The following PKHD1 variants were observed in gnomAD, a reference collection of about 807,000 sequenced individuals.
PKHD1 encodes the protein PKHD1 ciliary IPT domain containing fibrocystin/polyductin.
Under a neutral mutation model 412.0 loss-of-function variants are expected in PKHD1, and 291 were observed. The ratio of observed to expected loss-of-function variants is 0.71; its 90% confidence interval spans 0.64 to 0.78. PKHD1 has a LOEUF of 0.78. PKHD1 is among the 30% of genes least tolerant of loss of function. PKHD1 has a pLI of 0.00. For synonymous variants in PKHD1, 1,777 were observed against 1,821.5 expected, an observed-to-expected ratio of 0.98 and a Z score of 0.62; for missense variants, 4,825 against 4,950.7, an observed-to-expected ratio of 0.97 and a Z score of 0.76.
chr6:51,958,799 C>T (rs1791550247), intron 36 of PKHD1, among the ~76,000 whole-genome samples: 1 of 146,464 alleles, frequency 6.8e-6, no homozygotes, highest in Non-Finnish European at 1.5e-5. Context: ...TAGTGGCATT[C>T]CCATAGCCAC....
At chr6:51,647,681 G>C (rs1362300242) in intron 63 of PKHD1, among the ~76,000 whole-genome samples, 2 of 152,076 alleles carry the variant, frequency 1.3e-5, no homozygotes, top group African/African-American at 2.4e-5. Context: ...ACCAAACAAG[G>C]GTGTGTCGTG....
intron 52 of PKHD1, among the ~76,000 whole-genome samples, chr6:51,813,037 G>C (rs1201078169): frequency 2.0e-5 from 3 of 152,090 alleles, no homozygotes; most frequent in East Asian, 3.9e-4. Flanking sequence ...GCAAACCAAT[G>C]TATACCTGAC....
At chr6:51,982,417 G>A (rs1365714109) in intron 35 of PKHD1, among the ~76,000 whole-genome samples, 26 of 137,040 alleles carry the variant, frequency 1.9e-4, no homozygotes, top group African/African-American at 6.5e-4. Flanking sequence ...TGCCGGGTTT[G>A]TGTGGATAGA....
In PKHD1 at chr6:51,638,748, T is replaced by C. The variant is rs1478758248; in HGVS notation, c.11506+101A>G. The C allele has an allele frequency of 4.3e-5, 33 of 771,828 alleles. No individual in the cohort carries two copies. The South Asian group carries it at 4.9e-4, about 12-fold the overall frequency. The allele number at this position is 771,828 out of a possible 1,614,324, so 47.8% of individuals were successfully genotyped here. ...TTATTTTCTAAACTATGATGACCTC[T>C]TATTCATGATAGTAGCTATTCCCAC... On this transcript the variant is annotated intron_variant, in intron 64 of 66. Transcript: ENST00000371117.
At chr6:51,889,416 C>T (rs887600151) in intron 43 of PKHD1, among the ~76,000 whole-genome samples, 29 of 152,120 alleles carry the variant, frequency 1.9e-4, no homozygotes, top group African/African-American at 6.0e-4. Context: ...CTTAAACTTT[C>T]GTGTGCAACC....
rs1347570649 is a variant in PKHD1 at position 51,898,234 on chromosome 6, C to A, written c.6996+5363G>T. Among the ~76,000 whole-genome samples the A allele has an allele frequency of 2.6e-5, 4 of 151,502 alleles. No homozygotes were observed. In the South Asian group the frequency reaches 8.4e-4, roughly 32 times the overall value. ...ACATTTTTTTCAGCACCACACCACA[C>A]CTATTCCAAAATTGACCACATACTT... On this transcript the variant is annotated intron_variant, in intron 43 of 66. Coordinates refer to ENST00000371117, the MANE Select transcript of PKHD1 (RefSeq NM_138694.4).
In PKHD1 at chr6:51,885,855, A is replaced by T. The variant is rs747701418; in HGVS notation, c.7215+12T>A. The T allele has an allele frequency of 6.4e-7, 1 of 1,558,162 alleles. No homozygotes were observed. On this transcript the variant is annotated intron_variant, in intron 45 of 66. Transcript: ENST00000371117. ...AAACAACAACAATAACAACAACAAC[A>T]AAAAAGCTTACCTGGGCACCACCTG...
chr6:51,618,984 A>T lies in PKHD1; in HGVS notation c.*97T>A. 9.2e-7 allele frequency: 1 copy of T among 1,084,918 alleles called. No homozygotes were observed. The highest frequency in any genetic ancestry group is 1.4e-6 in the Non-Finnish European group (1 of 701,918). The allele number at this position is 1,084,918 out of a possible 1,614,324, so 67.2% of individuals were successfully genotyped here. ...TTCAGAGTCCACATTCTCTCTTCTTAGTTGTCCCAGCAGGACAGTCCTCAC... is the reference window on the plus strand; with the variant it reads ...TTCAGAGTCCACATTCTCTCTTCTTTGTTGTCCCAGCAGGACAGTCCTCAC... On this transcript the variant is annotated 3_prime_UTR_variant, in exon 67 of 67. Coordinates refer to ENST00000371117, the MANE Select transcript of PKHD1 (RefSeq NM_138694.4).
chr6:51,632,427 T>C, intron 65 of PKHD1, 138 bp downstream of exon 65: 1 of 672,228 alleles, frequency 1.5e-6, no homozygotes, highest in Non-Finnish European at 2.5e-6. Context: ...TTGAACAATT[T>C]GGCTTTGTGT....
At chr6:52,058,243 A>T in intron 16 of PKHD1, 80 bp downstream of exon 16, 1 of 1,430,364 alleles carries the variant, frequency 7.0e-7, no homozygotes, top group Non-Finnish European at 9.8e-7. Context: ...AGGTCGCCAG[A>T]CTCCCAGTCA....
chr6:51,847,960 G>A lies in PKHD1; in HGVS notation c.7922C>T (p.Thr2641Ile). The A allele has an allele frequency of 6.2e-7, 1 of 1,612,664 alleles. No homozygotes were observed. Among genetic ancestry groups the A allele is most frequent in the Non-Finnish European group, 8.5e-7 (1 of 1,178,730 alleles). The change falls in exon 50 of 67, where the codon ACC becomes ATC. Residue 2641 changes from threonine (T) to isoleucine (I), a missense_variant. Transcript: ENST00000371117. ...ATTACCAGGAGCAAAGTTGTCAAAG[G>A]TTGCTGAGTACTTGAAGTGAAAGAA... is the stretch of plus-strand genomic sequence containing the variant. ...WINRSLQYSA[T>I]FDNFAPGNYL...
Position 51,615,438 on chromosome 6 carries a change from A to T in PKHD1, c.*3643T>A, listed in dbSNP as rs1434074904. ...TATATCTGTAATTAGTCAAAGTGCT[A>T]TAGTGTATGTTGAAATCAACAGTTC... On this transcript the variant is annotated 3_prime_UTR_variant, in exon 67 of 67. Coordinates refer to ENST00000371117, the MANE Select transcript of PKHD1 (RefSeq NM_138694.4). 1 of 152,210 alleles carries T rather than the reference A, an allele frequency of 6.6e-6. No homozygotes were observed. The allele number at this position is 152,210 out of a possible 1,614,324, so 9.4% of individuals were successfully genotyped here.
Position 52,053,132 on chromosome 6 carries a change from T to G in PKHD1, c.2084A>C (p.Gln695Pro), listed in dbSNP as rs1364422576. 1.9e-5 allele frequency: 30 copies of G among 1,613,996 alleles called. No homozygotes were observed. Among genetic ancestry groups the G allele is most frequent in the Non-Finnish European group, 2.4e-5 (28 of 1,179,966 alleles). ...ATCCACATAGAACAGGCCCGTCTCC[T>G]GGGCCAGAGGGAGAAGGTTGATCTG... ...VHQINLLPLA[Q>P]ETGLFYVDEI... The change falls in exon 21 of 67, where the codon CAG (glutamine) becomes CCG (proline). Residue 695 changes from glutamine to proline, a missense_variant. Transcript: ENST00000371117.
Position 52,017,337 on chromosome 6 carries a change from C to T in PKHD1, c.5600+73G>A, listed in dbSNP as rs1800693312. The T allele has an allele frequency of 2.7e-6, 3 of 1,101,732 alleles. No individual in the cohort carries two copies. The African/African-American group carries it at 4.6e-5, about 17-fold the overall frequency. 68.2% of individuals were successfully genotyped at this position (1,101,732 alleles called of 1,614,324 possible). On this transcript the variant is annotated intron_variant, in intron 34 of 66. Transcript: ENST00000371117. ...CCAGGCCACATCCACCCAGCCTACA[C>T]TCTCTGATGGCTCCATCGGTCCATT...
rs767906211 is a variant in PKHD1, at chr6:51,847,821, GC to G, written c.8060del (p.Gly2687AlafsTer10). ...PFLPSPGQNQGCDWFFNSQLR... is the reference protein window; with the variant it reads ...PFLPSPGQNQXCDWFFNSQLR... ...GCTGGCTATTGAAGAACCAGTCACA[GC>G]CTTGGTTCTGACCTGGTGATGGAAG... On this transcript the variant is annotated frameshift_variant, in exon 50 of 67. Coordinates refer to ENST00000371117, the MANE Select transcript of PKHD1 (RefSeq NM_138694.4). LOFTEE classifies it high-confidence loss of function. 1 of 1,613,862 alleles carries G rather than the reference GC, an allele frequency of 6.2e-7. No homozygotes were observed. Among genetic ancestry groups the G allele is most frequent in the South Asian group, 1.1e-5 (1 of 91,076 alleles).
In PKHD1 at chr6:51,839,895, T is replaced by C. The variant is rs569941525; in HGVS notation, c.8108-3426A>G. On this transcript the variant is annotated intron_variant, in intron 50 of 66. Coordinates refer to ENST00000371117, the MANE Select transcript of PKHD1 (RefSeq NM_138694.4). ...CAGTGAAAGAACATAAAACAGCAAC[T>C]GCAATCAGTGTCTGCAAATGTCATG... is the stretch of plus-strand genomic sequence containing the variant. Among the ~76,000 whole-genome samples the C allele has an allele frequency of 3.3e-5, 5 of 151,972 alleles. No individual in the cohort carries two copies. In the East Asian group the frequency reaches 5.8e-4, roughly 18 times the overall value.
chr6:51,620,436 T>TA (rs1181494715), intron 66 of PKHD1, among the ~76,000 whole-genome samples: 1 of 152,082 alleles, frequency 6.6e-6, no homozygotes, highest in African/African-American at 2.4e-5. Flanking sequence ...CAAAGGTCAC[T>TA]ATTCATATGC....
chr6:52,019,115 G>T lies in PKHD1; in HGVS notation c.5381-1486C>A, dbSNP rs2435319. On this transcript the variant is annotated intron_variant, in intron 33 of 66. Transcript: ENST00000371117. ...AGAAGATGAACAAAGCTCCACATGA[G>T]ATGGTTTAGGAGCAGCTCTGTCTGA... Among the ~76,000 whole-genome samples, 1,505 of 152,256 alleles carry T rather than the reference G, an allele frequency of 9.9e-3. 33 individuals carry two copies. The highest frequency in any genetic ancestry group is 0.033 in the African/African-American group (1,385 of 41,538).
At chr6:52,048,723 G>C (rs147601792) in intron 22 of PKHD1, 104 bp from the exon 23 acceptor site, 10 of 1,394,570 alleles carry the variant, frequency 7.2e-6, no homozygotes, top group Non-Finnish European at 1.0e-5. Context: ...CAGCCTTCCA[G>C]AAAGAGCTAA....
Sources: allele counts gnomAD v4.1 joint callset (sites outside exome capture counted in the v4.1 genomes callset), GRCh38; gene constraint gnomAD v4.1.1; transcripts MANE v1.5; gene names NCBI Gene and HGNC (gene_info 2026-07-23, HGNC 2026-07-21).